Variants in SSPN observed in about 807,000 individuals in gnomAD.
SSPN encodes the protein K-ras oncogene-associated protein.
A neutral mutation model predicts 19.1 loss-of-function variants in SSPN; 15 were observed. That is an observed-to-expected ratio of 0.78 (90% CI 0.52 to 1.21). The LOEUF is 1.21. Ranked by LOEUF, SSPN falls within the 50% of genes most tolerant of loss-of-function variation. The pLI, the probability that SSPN is intolerant of heterozygous loss-of-function variation, is 0.00. For missense variants in SSPN, 291 were observed against 314.0 expected (o/e 0.93, Z 0.55); for synonymous variants, 147 against 140.3 (o/e 1.05, Z -0.34).
chr12:26,122,073 G>A (rs1944310415), exon 1 of SSPN: 1 of 1,549,698 alleles, frequency 6.5e-7, no homozygotes. Flanking sequence ...GATTCAGGGA[G>A]CTTCCTTTCC....
intron 1 of SSPN, among the ~76,000 whole-genome samples, chr12:26,137,314 C>T (rs923979411): frequency 7.9e-5 from 12 of 152,116 alleles, no homozygotes; most frequent in African/African-American, 2.9e-4. Flanking sequence ...CTCCCAAAAA[C>T]CCAGACAAAA....
intron 1 of SSPN, among the ~76,000 whole-genome samples, chr12:26,220,277 C>T (rs1945106521): frequency 6.7e-6 from 1 of 149,934 alleles, no homozygotes; most frequent in Non-Finnish European, 1.5e-5. Flanking sequence ...ATGACAGTCC[C>T]CTCTCACCTT....
At chr12:26,224,191 C>T in intron 1 of SSPN, 102 bp from the exon 2 acceptor site, 2 of 809,996 alleles carry the variant, frequency 2.5e-6, no homozygotes, top group South Asian at 3.1e-5. Context: ...AAACGGACAG[C>T]TTTATAACAT....
rs1248677361 is a variant in SSPN, at chr12:26,195,676, G to A, written c.4G>A (p.Gly2Ser). Residue 2 changes from glycine to serine, a missense_variant, in exon 1 of 3, where the codon GGC (glycine) becomes AGC (serine). By Grantham distance (56) the Gly-to-Ser change is moderately conservative. Transcript: ENST00000242729. ...ACCCACCCAGCCTCGCAGCGCCATG[G>A]GCAAGAACAAGCAGCCACGCGGCCA... The part of the protein sequence containing the change: M[G>S]KNKQPRGQQR... 3 of 834,946 alleles carry A rather than the reference G, an allele frequency of 3.6e-6. No individual in the cohort carries two copies. The African/African-American group carries it at 6.5e-5, about 18-fold the overall frequency. 51.7% of individuals were successfully genotyped at this position (834,946 alleles called of 1,614,324 possible).
chr12:26,196,028 C>T (rs1193514469), intron 1 of SSPN, 77 bp downstream of exon 1: 12 of 1,210,306 alleles, frequency 9.9e-6, no homozygotes, highest in Non-Finnish European at 1.3e-5. Context: ...TTGAGACTAA[C>T]CCAGCTGCAT....
At chr12:26,178,445 G>T (rs1944698384) in intron 1 of SSPN, among the ~76,000 whole-genome samples, 1 of 152,074 alleles carries the variant, frequency 6.6e-6, no homozygotes, top group Non-Finnish European at 1.5e-5. Flanking sequence ...CTGAAGCACA[G>T]AATAAGGTAA....
chr12:26,141,148 A>G (rs1290614329), intron 1 of SSPN, among the ~76,000 whole-genome samples: 1 of 152,222 alleles, frequency 6.6e-6, no homozygotes, highest in African/African-American at 2.4e-5. Context: ...GAGATTATCC[A>G]GGATTATCCA....
intron 2 of SSPN, among the ~76,000 whole-genome samples, chr12:26,224,846 A>G (rs1945161051): frequency 6.6e-6 from 1 of 151,890 alleles, no homozygotes; most frequent in Admixed American, 6.6e-5. Context: ...AAAGTGGGGG[A>G]CGGGTGATGG....
intron 1 of SSPN, among the ~76,000 whole-genome samples, chr12:26,162,342 T>C (rs1157276344): frequency 6.6e-6 from 1 of 152,240 alleles, no homozygotes; most frequent in African/African-American, 2.4e-5. Context: ...AGCCAGTCTT[T>C]CTTTTAGGTC....
chr12:26,122,626 C>T, intron 1 of SSPN: 2 of 1,205,690 alleles, frequency 1.7e-6, no homozygotes, highest in Non-Finnish European at 1.0e-6. Flanking sequence ...GCCGCCGCCG[C>T]GCCGCCCCCC....
At chr12:26,185,763 C>T (rs1461991918) in intron 1 of SSPN, among the ~76,000 whole-genome samples, 1 of 152,196 alleles carries the variant, frequency 6.6e-6, no homozygotes, top group African/African-American at 2.4e-5. Flanking sequence ...CATTTCCTAA[C>T]ACAGACTGTG....
At chr12:26,227,518 T>C (rs1945190196) in intron 2 of SSPN, among the ~76,000 whole-genome samples, 1 of 152,232 alleles carries the variant, frequency 6.6e-6, no homozygotes, top group South Asian at 2.1e-4. Flanking sequence ...TGTAAATGTT[T>C]ACATCCTTCC....
At chr12:26,182,576 C>G (rs1942789555) in intron 1 of SSPN, among the ~76,000 whole-genome samples, 1 of 143,004 alleles carries the variant, frequency 7.0e-6, no homozygotes, top group Admixed American at 7.0e-5. Flanking sequence ...CTTCCCCTTC[C>G]CCTTCCCCTT....
chr12:26,215,472 G>T (rs911890471), intron 1 of SSPN, among the ~76,000 whole-genome samples: 3 of 152,174 alleles, frequency 2.0e-5, no homozygotes, highest in African/African-American at 7.2e-5. Flanking sequence ...AAGCATGCTG[G>T]AGCATTGCTG....
chr12:26,128,252 G>T (rs182644257), intron 1 of SSPN, among the ~76,000 whole-genome samples: 2 of 152,204 alleles, frequency 1.3e-5, no homozygotes, highest in Non-Finnish European at 2.9e-5. Context: ...ATGAAATTGT[G>T]TGGGGAGTTT....
intron 1 of SSPN, among the ~76,000 whole-genome samples, chr12:26,156,558 A>G (rs929792222): frequency 6.6e-6 from 1 of 152,236 alleles, no homozygotes; most frequent in African/African-American, 2.4e-5. Flanking sequence ...GTAGCTCAGA[A>G]AGGCCCGCGG....
chr12:26,184,428 C>T (rs1194379210), intron 1 of SSPN, among the ~76,000 whole-genome samples: 1 of 152,070 alleles, frequency 6.6e-6, no homozygotes, highest in Non-Finnish European at 1.5e-5. Context: ...TGACACATGC[C>T]ACTTTATAGA....
At chr12:26,167,723 C>T (rs10842685) in intron 1 of SSPN, among the ~76,000 whole-genome samples, 62,972 of 152,084 alleles carry the variant, frequency 0.41, 15,479 homozygotes, top group Admixed American at 0.57. Flanking sequence ...GTAACTCATA[C>T]CTGAGCAAGG....
intron 1 of SSPN, among the ~76,000 whole-genome samples, chr12:26,173,476 T>C (rs978760603): frequency 3.3e-5 from 5 of 152,228 alleles, no homozygotes; most frequent in African/African-American, 1.2e-4. Context: ...GGGCCTCTTC[T>C]GCTATCATGC....
Sources: gnomAD v4.1 joint callset for allele counts (sites outside exome capture counted in the v4.1 genomes callset) on GRCh38, gnomAD v4.1.1 for gene constraint, MANE v1.5 for transcripts, NCBI Gene and HGNC (gene_info 2026-07-23, HGNC 2026-07-21) for gene names.